Variants in MMP17 observed in about 807,000 individuals in gnomAD.
The protein encoded by MMP17 is matrix metalloproteinase-17.
Under a neutral mutation model 49.1 loss-of-function variants are expected in MMP17, and 54 were observed. The ratio of observed to expected loss-of-function variants is 1.10; its 90% confidence interval spans 0.88 to 1.38. MMP17 has a LOEUF of 1.38. Ranked by LOEUF, MMP17 falls within the 40% of genes most tolerant of loss-of-function variation. MMP17 has a pLI of 0.00. For synonymous variants in MMP17, 397 were observed against 383.1 expected (o/e 1.04, Z -0.42); for missense variants, 837 against 853.7 (o/e 0.98, Z 0.24).
rs758520690 is a variant in MMP17, at chr12:131,838,757, G to C, written c.422+16G>C. ...TGTCGTGGAGGTGGGTGTGTGGCCAGGGTGAGGAGCGGGGCCTCCGTGGAG... is the reference window on the plus strand; with the variant it reads ...TGTCGTGGAGGTGGGTGTGTGGCCACGGTGAGGAGCGGGGCCTCCGTGGAG... On this transcript the variant is annotated intron_variant, in intron 3 of 9. Transcript: ENST00000360564. The C allele has an allele frequency of 2.4e-5, 37 of 1,538,004 alleles. No individual in the cohort carries two copies. The South Asian group carries it at 4.5e-4, about 19-fold the overall frequency.
chr12:131,850,108 A>T, intron 9 of MMP17, 49 bp downstream of exon 9: 2 of 1,544,552 alleles, frequency 1.3e-6, no homozygotes, highest in Non-Finnish European at 1.7e-6. Context: ...TTTCCCCACC[A>T]GGAGAGGGGC....
At chr12:131,837,799 C>T (rs1319529391) in intron 1 of MMP17, among the ~76,000 whole-genome samples, 1 of 152,212 alleles carries the variant, frequency 6.6e-6, no homozygotes. Flanking sequence ...CAAGCTCCGC[C>T]TCCTGGGTTC....
In MMP17 at chr12:131,840,656, A is replaced by G. The variant is rs746651199; in HGVS notation, c.506A>G (p.Asp169Gly). Residue 169 changes from aspartate (D) to glycine (G), a missense_variant, in exon 4 of 10, where the codon GAC becomes GGC. By Grantham distance (94) the Asp-to-Gly change is moderately conservative. Coordinates refer to ENST00000360564, the MANE Select transcript of MMP17 (RefSeq NM_016155.7). ...LMYYALKVWSDIAPLNFHEVA... is the reference protein window; with the variant it reads ...LMYYALKVWSGIAPLNFHEVA... The stretch of plus-strand genomic sequence containing the variant: ...TACTACGCCCTCAAGGTCTGGAGCG[A>G]CATTGCGCCCCTGAACTTCCACGAG... The G allele has an allele frequency of 1.5e-5, 24 of 1,608,864 alleles. No individual in the cohort carries two copies. Among genetic ancestry groups the G allele is most frequent in the Non-Finnish European group, 1.7e-5 (20 of 1,179,966 alleles).
rs149225013 is a variant in MMP17, at chr12:131,840,693, C to T, written c.543C>T (p.Ser181=). 1.7e-4 allele frequency: 275 copies of T among 1,606,978 alleles called. 2 individuals are homozygous for T. The highest frequency in any genetic ancestry group is 4.9e-4 in the Middle Eastern group (3 of 6,084). Reference sequence around the variant, plus strand: ...TGAACTTCCACGAGGTGGCGGGCAGCGCCGCCGACATCCAGATCGACTTCT... The same window carrying T: ...TGAACTTCCACGAGGTGGCGGGCAGTGCCGCCGACATCCAGATCGACTTCT... ...APLNFHEVAG[S]AADIQIDFSK... The change falls in exon 4 of 10, where the codon AGC becomes AGT. Residue 181 remains serine, a synonymous_variant. Transcript: ENST00000360564.
rs960613344 is a variant in MMP17 at position 131,849,989 on chromosome 12, C to G, written c.1392C>G (p.Gly464=). The G allele has an allele frequency of 5.0e-6, 8 of 1,613,656 alleles. No individual in the cohort carries two copies. In the Admixed American group the frequency reaches 5.0e-5, roughly 10 times the overall value. The stretch of plus-strand genomic sequence containing the variant: ...ACCACACGAGGCACATGGACCCCGG[C>G]TACCCCGCCCAGAGCCCCCTGTGGA... The part of the protein sequence containing the change: ...YDDHTRHMDP[G]YPAQSPLWRG... Residue 464 remains glycine, a synonymous_variant, in exon 9 of 10, where the codon GGC becomes GGG. Coordinates refer to ENST00000360564, the MANE Select transcript of MMP17 (RefSeq NM_016155.7).
chr12:131,835,201 G>GC (rs1227181998), intron 1 of MMP17, among the ~76,000 whole-genome samples: 2 of 152,154 alleles, frequency 1.3e-5, no homozygotes, highest in African/African-American at 4.8e-5. Context: ...CACCAGCCCT[G>GC]CCCCACAGAC....
intron 8 of MMP17, among the ~76,000 whole-genome samples, chr12:131,848,493 G>A (rs563040012): frequency 2.3e-3 from 357 of 152,356 alleles, no homozygotes; most frequent in South Asian, 4.3e-3. Flanking sequence ...TTGCTGTGCA[G>A]CTGTCACCTG....
intron 8 of MMP17, among the ~76,000 whole-genome samples, chr12:131,847,047 G>A (rs897639012): frequency 4.0e-5 from 6 of 151,452 alleles, no homozygotes; most frequent in African/African-American, 1.5e-4. Flanking sequence ...AGAAGGTCAA[G>A]GCTGCACTGC....
chr12:131,831,358 G>T (rs77108371), intron 1 of MMP17, among the ~76,000 whole-genome samples: 2 of 152,156 alleles, frequency 1.3e-5, no homozygotes, highest in South Asian at 2.1e-4. Flanking sequence ...GGGGTGGGGC[G>T]GGGCAGGTGG....
intron 1 of MMP17, among the ~76,000 whole-genome samples, chr12:131,829,629 A>T (rs1886693639): frequency 6.6e-6 from 1 of 152,222 alleles, no homozygotes; most frequent in Non-Finnish European, 1.5e-5. Flanking sequence ...ACAGTCTCCC[A>T]GTGGGGTCCT....
intron 3 of MMP17, chr12:131,840,152 A>C (rs561823909): frequency 2.4e-4 from 41 of 169,650 alleles, no homozygotes; most frequent in African/African-American, 8.7e-4. Context: ...GCGGGACACT[A>C]TGTGACCCAC....
At chr12:131,838,391 G>A (rs1166187992) in intron 2 of MMP17, 64 bp downstream of exon 2, 3 of 1,579,014 alleles carry the variant, frequency 1.9e-6, no homozygotes, top group African/African-American at 1.4e-5. Flanking sequence ...CGTCGGCCAT[G>A]CCCCCTCTGA....
In MMP17 at chr12:131,840,562, C is replaced by T. The variant is rs750825842; in HGVS notation, c.423-11C>T. On this transcript the variant is annotated splice_polypyrimidine_tract_variant and intron_variant, in intron 3 of 9. Transcript: ENST00000360564. ...CTCCGTGACTCACTCTGGGCTGACC[C>T]CTGCCTGCAGGGTCCGGACGTTCCC... 3 of 1,568,342 alleles carry T rather than the reference C, an allele frequency of 1.9e-6. No homozygotes were observed. Among genetic ancestry groups the T allele is most frequent in the African/African-American group, 2.7e-5 (2 of 74,474 alleles).
At chr12:131,829,089 G>A (rs1886661477) in intron 1 of MMP17, among the ~76,000 whole-genome samples, 1 of 152,208 alleles carries the variant, frequency 6.6e-6, no homozygotes, top group Non-Finnish European at 1.5e-5. Flanking sequence ...AGCGAGGAAG[G>A]GCAGGGGCTA....
At chr12:131,844,114 G>C in intron 6 of MMP17, 33 bp downstream of exon 6, 2 of 1,514,512 alleles carry the variant, frequency 1.3e-6, no homozygotes, top group Non-Finnish European at 1.8e-6. Flanking sequence ...CCACCCGCTG[G>C]GGTCTGTCTG....
rs748940647 is a variant in MMP17 at position 131,841,757 on chromosome 12, C to T, written c.840C>T (p.Tyr280=). ...YQGPVGDPLR[Y]GLPYEDKVRV... is the part of the protein sequence containing the mutation. The stretch of plus-strand genomic sequence containing the variant: ...GCCCGGTGGGTGACCCGCTGCGCTA[C>T]GGGCTCCCCTACGAGGACAAGGTGC... The change falls in exon 5 of 10, where the codon TAC becomes TAT. Residue 280 remains tyrosine (Y), a synonymous_variant. Coordinates refer to ENST00000360564, the MANE Select transcript of MMP17 (RefSeq NM_016155.7). 8.1e-6 allele frequency: 13 copies of T among 1,612,170 alleles called. 1 individual carries two copies. The highest frequency in any genetic ancestry group is 2.2e-5 in the South Asian group (2 of 90,904).
At chr12:131,834,759 C>A (rs1415619786) in intron 1 of MMP17, among the ~76,000 whole-genome samples, 1 of 152,076 alleles carries the variant, frequency 6.6e-6, no homozygotes, top group Non-Finnish European at 1.5e-5. Flanking sequence ...AGCTAACAAG[C>A]CCACCTTGCC....
rs191276885 is a variant in MMP17, at chr12:131,849,995, C to T, written c.1398C>T (p.Pro466=). Residue 466 remains proline, a synonymous_variant, in exon 9 of 10, where the codon CCC becomes CCT. Coordinates refer to ENST00000360564, the MANE Select transcript of MMP17 (RefSeq NM_016155.7). ...DHTRHMDPGY[P]AQSPLWRGVP... ...CGAGGCACATGGACCCCGGCTACCCCGCCCAGAGCCCCCTGTGGAGGGGTG... is the reference window on the plus strand; with the variant it reads ...CGAGGCACATGGACCCCGGCTACCCTGCCCAGAGCCCCCTGTGGAGGGGTG... 38 of 1,613,668 alleles carry T rather than the reference C, an allele frequency of 2.4e-5. No individual in the cohort carries two copies. In the Admixed American group the frequency reaches 2.8e-4, roughly 12 times the overall value.
intron 3 of MMP17, among the ~76,000 whole-genome samples, chr12:131,838,956 T>A (rs1436440660): frequency 2.0e-5 from 3 of 151,810 alleles, no homozygotes; most frequent in Non-Finnish European, 2.9e-5. Flanking sequence ...GGCGGGTGCG[T>A]GGCCAGGGTG....
Sources: gnomAD v4.1 joint callset for allele counts (sites outside exome capture counted in the v4.1 genomes callset) on GRCh38, gnomAD v4.1.1 for gene constraint, MANE v1.5 for transcripts, NCBI Gene and HGNC (gene_info 2026-07-23, HGNC 2026-07-21) for gene names.